UNC5D: variants seen among roughly 807,000 people sequenced by gnomAD.
UNC5D encodes the protein netrin receptor UNC5D.
In UNC5D, 39 loss-of-function variants were observed where a neutral mutation model predicts 105.4. The ratio of observed to expected loss-of-function variants is 0.37; its 90% CI spans 0.29 to 0.48. The LOEUF is 0.48. Among genes scored for constraint, UNC5D ranks in the 20% least tolerant of loss-of-function variants. UNC5D has a pLI of 0.98. For synonymous variants in UNC5D, 452 were observed against 450.4 expected (o/e 1.00, Z -0.04); for missense variants, 991 against 1,202.4 (o/e 0.82, Z 2.60).
chr8:35,262,294 G>A (rs1218219152), intron 1 of UNC5D, among the ~76,000 whole-genome samples: 1 of 152,158 alleles, frequency 6.6e-6, no homozygotes, highest in Non-Finnish European at 1.5e-5. Flanking sequence ...CAGTTAGCAT[G>A]TATTTACATT....
intron 1 of UNC5D, among the ~76,000 whole-genome samples, chr8:35,396,444 C>T (rs1534584): frequency 0.43 from 65,603 of 151,804 alleles, 14,493 homozygotes; most frequent in East Asian, 0.7. Context: ...TGCAGATGAT[C>T]CCAGCTAGGG....
rs368766394 is a variant in UNC5D at position 35,607,602 on chromosome 8, A to G, written c.570+11945A>G. Among the ~76,000 whole-genome samples the G allele has an allele frequency of 1.9e-4, 29 of 152,258 alleles. No individual in the cohort carries two copies. The East Asian group carries it at 5.2e-3, about 27-fold the overall frequency. On this transcript the variant is annotated intron_variant, in intron 4 of 16. Coordinates refer to ENST00000404895, the MANE Select transcript of UNC5D (RefSeq NM_080872.4). ...GAGACCAGGTGGAGATCATTGAATCATGTGGACAGTTTCCCCCATGCTGGT... is the reference window on the plus strand; with the variant it reads ...GAGACCAGGTGGAGATCATTGAATCGTGTGGACAGTTTCCCCCATGCTGGT...
chr8:35,695,974 A>T (rs1826744893), intron 7 of UNC5D, among the ~76,000 whole-genome samples: 1 of 152,094 alleles, frequency 6.6e-6, no homozygotes, highest in Non-Finnish European at 1.5e-5. Flanking sequence ...ACCTCAGGTG[A>T]TCCACCCACC....
intron 4 of UNC5D, among the ~76,000 whole-genome samples, chr8:35,666,637 G>A (rs1824439825): frequency 1.3e-5 from 2 of 152,080 alleles, no homozygotes; most frequent in Admixed American, 1.3e-4. Context: ...GGCTGATTAA[G>A]ATGAGAAACG....
intron 1 of UNC5D, among the ~76,000 whole-genome samples, chr8:35,453,805 T>C (rs1330922513): frequency 6.6e-6 from 1 of 152,030 alleles, no homozygotes; most frequent in Non-Finnish European, 1.5e-5. Flanking sequence ...ACCCACCCAC[T>C]CTCCTGCCTA....
intron 1 of UNC5D, among the ~76,000 whole-genome samples, chr8:35,336,384 T>C (rs1032481718): frequency 6.6e-5 from 10 of 152,216 alleles, no homozygotes; most frequent in African/African-American, 2.4e-4. Flanking sequence ...TCCTTAACCA[T>C]TCTGGCACTC....
At chr8:35,457,024 A>G (rs1478721192) in intron 1 of UNC5D, among the ~76,000 whole-genome samples, 3 of 152,100 alleles carry the variant, frequency 2.0e-5, no homozygotes, top group Admixed American at 6.6e-5. Flanking sequence ...AATTTATTGT[A>G]TGTCCTTGAG....
At chr8:35,306,745 A>T (rs1039320846) in intron 1 of UNC5D, among the ~76,000 whole-genome samples, 1 of 152,130 alleles carries the variant, frequency 6.6e-6, no homozygotes, top group Non-Finnish European at 1.5e-5. Context: ...AGATGTTCAT[A>T]TGGAGTATCT....
At chr8:35,713,187 GA>G (rs1451073762) in intron 8 of UNC5D, among the ~76,000 whole-genome samples, 1 of 152,050 alleles carries the variant, frequency 6.6e-6, no homozygotes, top group Non-Finnish European at 1.5e-5. Context: ...AAATACCTCA[GA>G]CATAAGCACA....
intron 8 of UNC5D, among the ~76,000 whole-genome samples, chr8:35,711,540 A>T (rs1338832713): frequency 6.6e-6 from 1 of 152,090 alleles, no homozygotes; most frequent in Admixed American, 6.5e-5. Flanking sequence ...CCATTGCTGT[A>T]TTCCTCAGCA....
chr8:35,475,755 T>C (rs192970078), intron 1 of UNC5D, among the ~76,000 whole-genome samples: 4 of 152,350 alleles, frequency 2.6e-5, no homozygotes, highest in African/African-American at 9.6e-5. Context: ...AATTGCAGCA[T>C]AGATTCATCC....
intron 1 of UNC5D, among the ~76,000 whole-genome samples, chr8:35,494,381 A>G (rs2579885): frequency 0.46 from 70,290 of 151,970 alleles, 20,401 homozygotes; most frequent in African/African-American, 0.82. Context: ...ACATATTAGG[A>G]TTATTTCCCT....
At chr8:35,499,917 A>G (rs1811859924) in intron 1 of UNC5D, among the ~76,000 whole-genome samples, 1 of 152,338 alleles carries the variant, frequency 6.6e-6, no homozygotes, top group East Asian at 1.9e-4. Flanking sequence ...ATTAATGCTT[A>G]TACTGGAAAT....
At chr8:35,721,319 A>G (rs1828569364) in intron 8 of UNC5D, 1 of 661,074 alleles carries the variant, frequency 1.5e-6, no homozygotes. Flanking sequence ...GATCTGCTAC[A>G]GGAATAACCA....
chr8:35,509,808 C>T (rs1032957735), intron 1 of UNC5D, among the ~76,000 whole-genome samples: 1 of 152,008 alleles, frequency 6.6e-6, no homozygotes, highest in African/African-American at 2.4e-5. Flanking sequence ...CAATTGTCTC[C>T]ACTTCAGATG....
chr8:35,482,738 T>C (rs757487458), intron 1 of UNC5D, among the ~76,000 whole-genome samples: 29 of 149,928 alleles, frequency 1.9e-4, no homozygotes, highest in Non-Finnish European at 3.0e-4. Context: ...AATCTAAAAA[T>C]GAATAATTTG....
chr8:35,423,039 T>A (rs886295540), intron 1 of UNC5D, among the ~76,000 whole-genome samples: 2 of 152,228 alleles, frequency 1.3e-5, no homozygotes, highest in Admixed American at 1.3e-4. Context: ...GGTTTTGTAC[T>A]TGTCCTCCAG....
At chr8:35,720,071 G>A (rs915870467) in intron 8 of UNC5D, among the ~76,000 whole-genome samples, 3 of 152,170 alleles carry the variant, frequency 2.0e-5, no homozygotes, top group Non-Finnish European at 4.4e-5. Flanking sequence ...GGGAGAATGA[G>A]AATTCTGGTT....
At chr8:35,626,326 A>G (rs2131054179) in intron 4 of UNC5D, among the ~76,000 whole-genome samples, 1 of 152,004 alleles carries the variant, frequency 6.6e-6, no homozygotes, top group South Asian at 2.1e-4. Context: ...GAAACCCATA[A>G]AAATATCTAT....
Sources: allele counts gnomAD v4.1 joint callset (sites outside exome capture counted in the v4.1 genomes callset), GRCh38; gene constraint gnomAD v4.1.1; transcripts MANE v1.5; gene names NCBI Gene and HGNC (gene_info 2026-07-23, HGNC 2026-07-21).